PAG1: variants seen among roughly 807,000 people sequenced by gnomAD.
PAG1 encodes the protein phosphoprotein membrane anchor with glycosphingolipid microdomains 1.
Under a neutral mutation model 31.7 loss-of-function variants are expected in PAG1, and 23 were observed. The ratio of observed to expected loss-of-function variants is 0.73; its 90% confidence interval spans 0.52 to 1.03. PAG1 has a LOEUF of 1.03. PAG1 is among the 50% of genes least tolerant of loss of function. The pLI is 0.00. For missense variants in PAG1, 473 were observed against 540.7 expected (o/e 0.87, Z 1.24); for synonymous variants, 214 against 210.3 (o/e 1.02, Z -0.15).
chr8:80,967,849 A>C lies in PAG1; in HGVS notation c.*8695T>G, dbSNP rs1266091150. On this transcript the variant is annotated 3_prime_UTR_variant, in exon 9 of 9. Coordinates refer to ENST00000220597, the MANE Select transcript of PAG1 (RefSeq NM_018440.4). ...ACTTTTATTACAATTAAAAAAGAAC[A>C]AAGACAATTTGATAAGTGCCTTTAA... 1 of 152,222 alleles carries C rather than the reference A, an allele frequency of 6.6e-6. No individual in the cohort carries two copies. The highest frequency in any genetic ancestry group is 2.4e-5 in the African/African-American group (1 of 41,438). The allele number at this position is 152,222 out of a possible 1,614,324, so 9.4% of individuals were successfully genotyped here.
intron 8 of PAG1, among the ~76,000 whole-genome samples, chr8:80,979,191 A>G (rs533690263): frequency 1.3e-5 from 2 of 152,364 alleles, no homozygotes; most frequent in East Asian, 3.9e-4. Context: ...CAAATGTAAG[A>G]TAAGGAGCAA....
chr8:80,984,752 C>G, intron 7 of PAG1, 24 bp downstream of exon 7: 1 of 1,600,354 alleles, frequency 6.2e-7, no homozygotes, highest in Non-Finnish European at 8.5e-7. Flanking sequence ...CCCACAAAGA[C>G]AAAACAAAAA....
At chr8:81,102,176 A>G (rs1010021940) in intron 1 of PAG1, among the ~76,000 whole-genome samples, 7 of 152,166 alleles carry the variant, frequency 4.6e-5, no homozygotes, top group Non-Finnish European at 7.4e-5. Context: ...AATATAAAAT[A>G]CCATATTACT....
Position 80,976,489 on chromosome 8 carries a change from G to T in PAG1, c.*55C>A. On this transcript the variant is annotated 3_prime_UTR_variant, in exon 9 of 9. Transcript: ENST00000220597. ...TTTGTGTCACTTCTTCTCTTCCACA[G>T]AAGAAACGTCTCCAGACACTGATCA... 2 of 1,529,004 alleles carry T rather than the reference G, an allele frequency of 1.3e-6. No individual in the cohort carries two copies. The highest frequency in any genetic ancestry group is 1.8e-6 in the Non-Finnish European group (2 of 1,140,796). The allele number at this position is 1,529,004 out of a possible 1,614,324, so 94.7% of individuals were successfully genotyped here. A position where few individuals can be genotyped will look rare whatever the true frequency, so the allele number is the denominator to read the frequency against.
intron 6 of PAG1, 76 bp downstream of exon 6, chr8:80,987,294 G>A (rs1807444195): frequency 6.7e-6 from 6 of 900,224 alleles, no homozygotes; most frequent in African/African-American, 1.7e-5. Context: ...TACTTTTTGA[G>A]CTATGTATTT....
intron 5 of PAG1, among the ~76,000 whole-genome samples, chr8:80,989,977 G>A (rs1041693840): frequency 6.6e-6 from 1 of 152,124 alleles, no homozygotes; most frequent in Non-Finnish European, 1.5e-5. Flanking sequence ...GTGGAGTGAC[G>A]AAAGGCAGGG....
intron 5 of PAG1, 84 bp downstream of exon 5, chr8:80,991,395 G>A (rs998579026): frequency 2.8e-6 from 3 of 1,073,396 alleles, no homozygotes; most frequent in African/African-American, 3.1e-5. Context: ...CTCAGGCTGT[G>A]AGCACATGGG....
At chr8:80,996,777 C>T (rs1807682418) in intron 3 of PAG1, among the ~76,000 whole-genome samples, 1 of 152,072 alleles carries the variant, frequency 6.6e-6, no homozygotes. Context: ...GCTTGGGGGT[C>T]CTCGTTCTGT....
chr8:81,039,141 C>CTG (rs146818284), intron 2 of PAG1, among the ~76,000 whole-genome samples: 30 of 151,654 alleles, frequency 2.0e-4, no homozygotes, highest in South Asian at 4.2e-4. Context: ...ATCTTATACT[C>CTG]TGTGTGTGTG....
intron 2 of PAG1, among the ~76,000 whole-genome samples, chr8:81,057,267 A>C (rs952576190): frequency 1.3e-4 from 20 of 152,200 alleles, no homozygotes; most frequent in Non-Finnish European, 2.4e-4. Context: ...AGACACATGC[A>C]CACGTATGTT....
At chr8:80,999,028 G>A (rs919756261) in intron 3 of PAG1, among the ~76,000 whole-genome samples, 2 of 152,182 alleles carry the variant, frequency 1.3e-5, no homozygotes, top group Non-Finnish European at 2.9e-5. Context: ...AGATTCTTTG[G>A]TGGGTTCCCT....
intron 1 of PAG1, among the ~76,000 whole-genome samples, chr8:81,083,717 C>A (rs1347720874): frequency 6.6e-6 from 1 of 152,138 alleles, no homozygotes; most frequent in African/African-American, 2.4e-5. Context: ...GTGTTTTCCA[C>A]TTGCTGCCTT....
intron 3 of PAG1, among the ~76,000 whole-genome samples, chr8:81,007,511 C>T (rs1200171277): frequency 6.7e-6 from 1 of 148,180 alleles, no homozygotes; most frequent in Middle Eastern, 3.5e-3. Flanking sequence ...GTGGCGGGCA[C>T]GTGTAATCCC....
intron 2 of PAG1, among the ~76,000 whole-genome samples, chr8:81,033,050 G>T (rs1808401851): frequency 6.6e-6 from 1 of 152,128 alleles, no homozygotes; most frequent in Admixed American, 6.6e-5. Context: ...TGTTCCTTAG[G>T]GCTAGGGGAG....
At chr8:81,078,193 C>T (rs1809208172) in intron 1 of PAG1, among the ~76,000 whole-genome samples, 1 of 152,124 alleles carries the variant, frequency 6.6e-6, no homozygotes, top group African/African-American at 2.4e-5. Context: ...GTTAAGTGGG[C>T]TTAAATTTTT....
At chr8:81,086,112 G>T (rs1348360420) in intron 1 of PAG1, among the ~76,000 whole-genome samples, 1 of 148,956 alleles carries the variant, frequency 6.7e-6, no homozygotes, top group African/African-American at 2.5e-5. Flanking sequence ...CTCCCGAGTA[G>T]CTGGGACTAC....
chr8:81,029,650 G>A (rs1197918574), intron 3 of PAG1: 1 of 152,082 alleles, frequency 6.6e-6, no homozygotes, highest in African/African-American at 2.4e-5. Context: ...TCCTCATAAA[G>A]GATGAAATGT....
intron 8 of PAG1, among the ~76,000 whole-genome samples, chr8:80,977,319 T>C (rs915636305): frequency 6.6e-6 from 1 of 152,210 alleles, no homozygotes; most frequent in African/African-American, 2.4e-5. Flanking sequence ...CCGGTGATTC[T>C]CAAAGTGTGG....
chr8:80,978,609 AT>A (rs1807232494), intron 8 of PAG1, among the ~76,000 whole-genome samples: 1 of 152,150 alleles, frequency 6.6e-6, no homozygotes, highest in Non-Finnish European at 1.5e-5. Flanking sequence ...GGTCTTTGTA[AT>A]TAATGCCCCT....
Sources: gnomAD v4.1 joint callset for allele counts (sites outside exome capture counted in the v4.1 genomes callset) on GRCh38, gnomAD v4.1.1 for gene constraint, MANE v1.5 for transcripts, NCBI Gene and HGNC (gene_info 2026-07-23, HGNC 2026-07-21) for gene names.